Variants in CNNM2 observed in about 807,000 individuals in gnomAD.
CNNM2 encodes cyclin and CBS domain divalent metal cation transport mediator 2, also known as metal transporter CNNM2.
A neutral mutation model predicts 66.9 loss-of-function variants in CNNM2; 12 were observed. The observed-to-expected ratio is 0.18, with a 90% CI of 0.11 to 0.29. The LOEUF is 0.29. CNNM2 is among the 10% of genes least tolerant of loss of function. The pLI is 1.00. For synonymous variants in CNNM2, 557 were observed against 501.8 expected (o/e 1.11, Z -1.47); for missense variants, 705 against 1,167.7 (o/e 0.60, Z 5.77).
intron 1 of CNNM2, among the ~76,000 whole-genome samples, chr10:103,037,985 A>G (rs768385755): frequency 2.0e-5 from 3 of 152,094 alleles, no homozygotes; most frequent in Non-Finnish European, 4.4e-5. Context: ...GATTACAGGC[A>G]TGTACCACCA....
At chr10:103,048,866 T>A (rs147645115) in intron 1 of CNNM2, among the ~76,000 whole-genome samples, 126 of 152,100 alleles carry the variant, frequency 8.3e-4, no homozygotes, top group African/African-American at 2.8e-3. Context: ...CAGCAAGGAC[T>A]TTTTTTTAAG....
chr10:103,012,748 C>G (rs2064368520), intron 1 of CNNM2, among the ~76,000 whole-genome samples: 1 of 148,126 alleles, frequency 6.8e-6, no homozygotes, highest in Non-Finnish European at 1.5e-5. Context: ...TGAATAAACT[C>G]TTCTCTACAA....
At position 102,927,784 on chromosome 10, in the gene CNNM2, C is replaced by T. The variant is rs566771110; in HGVS notation, c.1621+7683C>T. On this transcript the variant is annotated intron_variant, in intron 1 of 7. Coordinates refer to ENST00000369878, the MANE Select transcript of CNNM2 (RefSeq NM_017649.5). ...AAAGGAGGGGGTGGTGGCAGGCTTT[C>T]GAAGGAGGAACTAGAGGTTTGTGGT... 1.1e-4 allele frequency among the ~76,000 whole-genome samples: 16 copies of T among 151,996 alleles called. 1 individual carries two copies. The South Asian group carries it at 2.3e-3, about 22-fold the overall frequency.
chr10:103,058,081 G>A (rs1325483799), intron 4 of CNNM2, among the ~76,000 whole-genome samples: 1 of 152,206 alleles, frequency 6.6e-6, no homozygotes, highest in Non-Finnish European at 1.5e-5. Context: ...TGTGGTGTTT[G>A]GAAGCAGGAG....
At chr10:102,923,017 G>T (rs1341670666) in intron 1 of CNNM2, among the ~76,000 whole-genome samples, 1 of 151,734 alleles carries the variant, frequency 6.6e-6, no homozygotes, top group East Asian at 1.9e-4. Flanking sequence ...GTATATAGCT[G>T]TAGAGAATTA....
chr10:102,967,113 C>T lies in CNNM2; in HGVS notation c.1621+47012C>T, dbSNP rs147647366. 0.014 allele frequency among the ~76,000 whole-genome samples: 2,063 copies of T among 152,192 alleles called. 32 individuals are homozygous for T. Among genetic ancestry groups the T allele is most frequent in the Middle Eastern group, 0.024 (7 of 294 alleles). On this transcript the variant is annotated intron_variant, in intron 1 of 7. Coordinates refer to ENST00000369878, the MANE Select transcript of CNNM2 (RefSeq NM_017649.5). ...AGGTGCATGCCAACATACTTCGCTA[C>T]GTTTTTTAAAAAATTTCTTTTAGAG... is the stretch of plus-strand genomic sequence containing the variant.
intron 6 of CNNM2, 120 bp downstream of exon 6, chr10:103,071,959 C>CTTTA: frequency 1.2e-6 from 1 of 868,838 alleles, no homozygotes; most frequent in Non-Finnish European, 2.0e-6. Context: ...TTCCTTGGAG[C>CTTTA]GCTAAAGCTC....
At position 103,079,654 on chromosome 10, in the gene CNNM2, G is replaced by A. The variant is rs371973319; in HGVS notation, c.*2474G>A. ...AAATTATTCTCTTATAAAAGAGCTC[G>A]GCAGGAGTGGCATCAGTGAGGCTCC... is the stretch of plus-strand genomic sequence containing the variant. On this transcript the variant is annotated 3_prime_UTR_variant, in exon 8 of 8. Transcript: ENST00000369878. 1.2e-4 allele frequency: 18 copies of A among 152,290 alleles called. No individual in the cohort carries two copies. The highest frequency in any genetic ancestry group is 9.6e-4 in the East Asian group (5 of 5,190). The allele number at this position is 152,290 out of a possible 1,614,324, so 9.4% of individuals were successfully genotyped here.
At chr10:102,950,981 C>CTTT (rs34870588) in intron 1 of CNNM2, among the ~76,000 whole-genome samples, 269 of 80,502 alleles carry the variant, frequency 3.3e-3, no homozygotes, top group Non-Finnish European at 4.0e-3. Flanking sequence ...CTTTCTTTCT[C>CTTT]TTTTTTTTTT....
chr10:102,989,866 A>G (rs931547188), intron 1 of CNNM2, among the ~76,000 whole-genome samples: 1 of 152,106 alleles, frequency 6.6e-6, no homozygotes, highest in African/African-American at 2.4e-5. Flanking sequence ...TAGGGCTTCT[A>G]GTTCTTTAAA....
chr10:102,939,836 C>G (rs1219224044), intron 1 of CNNM2, among the ~76,000 whole-genome samples: 1 of 152,068 alleles, frequency 6.6e-6, no homozygotes, highest in East Asian at 1.9e-4. Flanking sequence ...CTGGGCGTGG[C>G]GCACACCTGT....
chr10:103,009,327 A>C (rs1363510883), intron 1 of CNNM2, among the ~76,000 whole-genome samples: 2 of 152,144 alleles, frequency 1.3e-5, no homozygotes, highest in African/African-American at 4.8e-5. Context: ...CTGTAAGAGA[A>C]ATTTCTTGTT....
rs952537741 is a variant in CNNM2, at chr10:103,081,750, T to G, written c.*4570T>G. 1.3e-5 allele frequency: 2 copies of G among 152,092 alleles called. No individual in the cohort carries two copies. The highest frequency in any genetic ancestry group is 1.3e-4 in the Admixed American group (2 of 15,258). The allele number at this position is 152,092 out of a possible 1,614,324, so 9.4% of individuals were successfully genotyped here. On this transcript the variant is annotated 3_prime_UTR_variant, in exon 8 of 8. Transcript: ENST00000369878. ...TCACGGTTTACTTGCCCATTTCCCT[T>G]TTGCTACCTTCTTTCCTATCTGGAG... is the stretch of plus-strand genomic sequence containing the variant.
chr10:102,951,341 C>T (rs1003327360), intron 1 of CNNM2, among the ~76,000 whole-genome samples: 6 of 151,890 alleles, frequency 4.0e-5, no homozygotes, highest in South Asian at 2.1e-4. Context: ...GGATTACAAG[C>T]GTGTGCCACC....
intron 1 of CNNM2, among the ~76,000 whole-genome samples, chr10:102,970,908 G>A (rs1371504654): frequency 6.6e-6 from 1 of 151,954 alleles, no homozygotes; most frequent in Non-Finnish European, 1.5e-5. Flanking sequence ...TTAGTCTCTG[G>A]GGCTTGGTGT....
chr10:103,012,491 C>CA (rs1413670204), intron 1 of CNNM2, among the ~76,000 whole-genome samples: 3 of 151,978 alleles, frequency 2.0e-5, no homozygotes, highest in Non-Finnish European at 4.4e-5. Flanking sequence ...ACTAAAAATA[C>CA]AAAAAAATTA....
chr10:103,069,176 A>G (rs2065531322), intron 5 of CNNM2, among the ~76,000 whole-genome samples: 1 of 152,136 alleles, frequency 6.6e-6, no homozygotes, highest in African/African-American at 2.4e-5. Context: ...TGCCATGTCT[A>G]GTATGCCACT....
At position 103,076,176 on chromosome 10, in the gene CNNM2, T is replaced by G; in HGVS notation, c.2324T>G (p.Leu775Arg). 2 of 1,604,608 alleles carry G rather than the reference T, an allele frequency of 1.2e-6. No individual in the cohort carries two copies. The highest frequency in any genetic ancestry group is 1.7e-6 in the Non-Finnish European group (2 of 1,175,660). Residue 775 changes from leucine to arginine, a missense_variant, in exon 7 of 8, where the codon CTG (leucine) becomes CGG (arginine). Physicochemically the swap from Leu to Arg is moderately radical, Grantham distance 102 (BLOSUM62 -2). This residue lies in a region of CNNM2 where 194 missense variants were observed against 227.6 expected (regional missense o/e 0.85). Transcript: ENST00000369878. ...SDRIDAVTPT[L>R]GSSNNQLNSS... is the part of the protein sequence containing the mutation. ...CGGATTGACGCCGTCACACCAACAC[T>G]GGGGAGCAGCAATAACCAGCTCAAT...
At chr10:102,931,870 T>C (rs529589121) in intron 1 of CNNM2, among the ~76,000 whole-genome samples, 5 of 149,874 alleles carry the variant, frequency 3.3e-5, no homozygotes, top group Admixed American at 3.3e-4. Context: ...AAAAAAAGAA[T>C]GCCATCCTAG....
Sources: gnomAD v4.1 joint callset for allele counts (sites outside exome capture counted in the v4.1 genomes callset) on GRCh38, gnomAD v4.1.1 for gene constraint, gnomAD v4.1.1 regional missense constraint, MANE v1.5 for transcripts, NCBI Gene and HGNC (gene_info 2026-07-23, HGNC 2026-07-21) for gene names.